PRR5L: variants seen among roughly 807,000 people sequenced by gnomAD.
The protein encoded by PRR5L is proline-rich protein 5-like.
Under a neutral mutation model 36.4 loss-of-function variants are expected in PRR5L, and 21 were observed. The ratio of observed to expected loss-of-function variants is 0.58; its 90% CI spans 0.41 to 0.83. The LOEUF is 0.83. Ranked by LOEUF, PRR5L falls within the 40% of genes least tolerant of loss-of-function variation. PRR5L has a pLI of 0.00. For synonymous variants in PRR5L, 188 were observed against 197.0 expected (o/e 0.95, Z 0.38); for missense variants, 381 against 473.3 (o/e 0.80, Z 1.81).
intron 1 of PRR5L, among the ~76,000 whole-genome samples, chr11:36,338,857 G>T (rs1411445880): frequency 6.6e-6 from 1 of 152,236 alleles, no homozygotes; most frequent in Admixed American, 6.5e-5. Flanking sequence ...TACTTGAATT[G>T]TATCTCCCAG....
intron 1 of PRR5L, among the ~76,000 whole-genome samples, chr11:36,355,849 C>T (rs558112209): frequency 2.0e-5 from 3 of 151,826 alleles, no homozygotes; most frequent in African/African-American, 7.2e-5. Flanking sequence ...AGGGGTGAGC[C>T]ACCACACCCA....
chr11:36,298,534 C>T (rs892777333), intron 1 of PRR5L, among the ~76,000 whole-genome samples: 5 of 152,078 alleles, frequency 3.3e-5, no homozygotes, highest in African/African-American at 9.7e-5. Flanking sequence ...GGTTTGTGCT[C>T]CTATGAGAAT....
intron 1 of PRR5L, among the ~76,000 whole-genome samples, chr11:36,310,026 C>T: frequency 9.2e-4 from 1 of 1,084 alleles, no homozygotes; most frequent in South Asian, 0.12. Flanking sequence ...GAACAATTTA[C>T]CATCCTGACC....
intron 1 of PRR5L, among the ~76,000 whole-genome samples, chr11:36,392,265 C>A (rs1300491151): frequency 6.6e-6 from 1 of 152,182 alleles, no homozygotes; most frequent in African/African-American, 2.4e-5. Context: ...TTGAATAGTG[C>A]TGCAATAAAC....
chr11:36,329,932 C>A (rs1856702102), intron 1 of PRR5L, among the ~76,000 whole-genome samples: 1 of 152,188 alleles, frequency 6.6e-6, no homozygotes, highest in African/African-American at 2.4e-5. Context: ...CTTTTTAAAG[C>A]ATTGACTCCA....
At position 36,415,398 on chromosome 11, in the gene PRR5L, A is replaced by T. The variant is rs183945745; in HGVS notation, c.246-3857A>T. On this transcript the variant is annotated intron_variant, in intron 3 of 8. Transcript: ENST00000530639. Reference sequence around the variant, plus strand: ...AGCTTCTCCAAGGCTTTACATGTAGACATAGAGAAGAGGACACACAACCCA... The same window carrying T: ...AGCTTCTCCAAGGCTTTACATGTAGTCATAGAGAAGAGGACACACAACCCA... Among the ~76,000 whole-genome samples the T allele has an allele frequency of 2.0e-5, 3 of 152,318 alleles. No individual in the cohort carries two copies. The East Asian group carries it at 5.8e-4, about 29-fold the overall frequency.
intron 6 of PRR5L, among the ~76,000 whole-genome samples, chr11:36,440,973 G>C (rs978360141): frequency 6.6e-6 from 1 of 152,130 alleles, no homozygotes; most frequent in East Asian, 1.9e-4. Flanking sequence ...CAAGGGGAGG[G>C]CACCAAGCTG....
intron 6 of PRR5L, among the ~76,000 whole-genome samples, chr11:36,445,305 C>T (rs757570339): frequency 6.6e-6 from 1 of 152,150 alleles, no homozygotes; most frequent in African/African-American, 2.4e-5. Context: ...AAAGGAGAGT[C>T]TGAAAAATTC....
intron 1 of PRR5L, among the ~76,000 whole-genome samples, chr11:36,398,168 G>A (rs1000674453): frequency 5.3e-5 from 8 of 152,164 alleles, no homozygotes; most frequent in African/African-American, 1.7e-4. Flanking sequence ...GGGAGCTGGG[G>A]AACATGCTCA....
chr11:36,369,237 CAG>C (rs1313919199), intron 1 of PRR5L, among the ~76,000 whole-genome samples: 3 of 152,136 alleles, frequency 2.0e-5, no homozygotes, highest in African/African-American at 4.8e-5. Flanking sequence ...GACTGCAGTG[CAG>C]AGAGTGATGC....
At chr11:36,337,827 G>A (rs1269943810) in intron 1 of PRR5L, among the ~76,000 whole-genome samples, 3 of 152,208 alleles carry the variant, frequency 2.0e-5, no homozygotes, top group African/African-American at 7.2e-5. Context: ...TCAGGCACAG[G>A]TTAAGATCCA....
intron 1 of PRR5L, among the ~76,000 whole-genome samples, chr11:36,337,847 T>C (rs977932925): frequency 4.6e-5 from 7 of 152,240 alleles, no homozygotes; most frequent in African/African-American, 1.7e-4. Flanking sequence ...AAAATAATAA[T>C]GGCTTATATC....
At chr11:36,402,004 A>G (rs1218563321) in intron 2 of PRR5L, among the ~76,000 whole-genome samples, 1 of 152,214 alleles carries the variant, frequency 6.6e-6, no homozygotes, top group Non-Finnish European at 1.5e-5. Flanking sequence ...TGATTGGCAT[A>G]AACCCAAGAT....
intron 1 of PRR5L, among the ~76,000 whole-genome samples, chr11:36,347,346 AT>A (rs1194049295): frequency 2.0e-5 from 3 of 152,186 alleles, no homozygotes; most frequent in African/African-American, 7.2e-5. Context: ...GGGGATTTTG[AT>A]TGACCACAAG....
chr11:36,327,084 T>C (rs1473143382), intron 1 of PRR5L, among the ~76,000 whole-genome samples: 1 of 152,244 alleles, frequency 6.6e-6, no homozygotes. Flanking sequence ...TAACACAACC[T>C]GTGGAAGCAG....
chr11:36,357,255 G>A (rs757927841), intron 1 of PRR5L, among the ~76,000 whole-genome samples: 11 of 152,178 alleles, frequency 7.2e-5, no homozygotes, highest in Non-Finnish European at 1.2e-4. Flanking sequence ...AGCTACAGGA[G>A]GTTGGTTCAT....
At chr11:36,380,555 G>A (rs529422195) in intron 1 of PRR5L, 1 of 152,180 alleles carries the variant, frequency 6.6e-6, no homozygotes, top group South Asian at 2.1e-4. Context: ...CGGATTTCAT[G>A]TACGGGAGAG....
chr11:36,429,123 C>A (rs971074227), intron 4 of PRR5L, among the ~76,000 whole-genome samples: 2 of 152,026 alleles, frequency 1.3e-5, no homozygotes, highest in African/African-American at 2.4e-5. Context: ...AAAATCCAGG[C>A]CATGATTTGA....
intron 1 of PRR5L, among the ~76,000 whole-genome samples, chr11:36,391,994 C>G (rs1590524902): frequency 6.6e-6 from 1 of 152,206 alleles, no homozygotes; most frequent in Non-Finnish European, 1.5e-5. Context: ...TCTCTAGTAA[C>G]CATCATTTTC....
Sources: allele counts gnomAD v4.1 joint callset (sites outside exome capture counted in the v4.1 genomes callset), GRCh38; gene constraint gnomAD v4.1.1; transcripts MANE v1.5; gene names NCBI Gene and HGNC (gene_info 2026-07-23, HGNC 2026-07-21).